The following GAPVD1 variants were observed in gnomAD, a reference collection of about 807,000 sequenced individuals.
GAPVD1 encodes the protein GTPase activating protein and VPS9 domains 1, also known as GTPase-activating protein and VPS9 domain-containing protein 1.
In GAPVD1, 35 loss-of-function variants were observed where a neutral mutation model predicts 155.5. The ratio of observed to expected loss-of-function variants is 0.23; its 90% CI spans 0.17 to 0.30. The LOEUF is 0.30. Ranked by LOEUF, GAPVD1 falls within the 10% of genes least tolerant of loss-of-function variation. The pLI, the probability that GAPVD1 is intolerant of heterozygous loss-of-function variation, is 1.00. For missense variants in GAPVD1, 1,429 were observed against 1,775.7 expected (o/e 0.80, Z 3.51); for synonymous variants, 636 against 619.7 (o/e 1.03, Z -0.39).
At chr9:125,293,227 T>G (rs1403997380) in intron 2 of GAPVD1, among the ~76,000 whole-genome samples, 1 of 152,036 alleles carries the variant, frequency 6.6e-6, no homozygotes, top group Non-Finnish European at 1.5e-5. Context: ...AGTTGCTGGT[T>G]TTAGAAGGGA....
intron 2 of GAPVD1, among the ~76,000 whole-genome samples, chr9:125,280,119 G>A (rs923221445): frequency 2.7e-5 from 4 of 150,750 alleles, no homozygotes; most frequent in African/African-American, 7.3e-5. Flanking sequence ...GAGAAGAGCC[G>A]GGCACAGTGG....
Position 125,337,490 on chromosome 9 carries a change from G to A in GAPVD1, c.2776G>A (p.Glu926Lys), listed in dbSNP as rs758006475. 1 of 1,614,220 alleles carries A rather than the reference G, an allele frequency of 6.2e-7. No homozygotes were observed. The highest frequency in any genetic ancestry group is 8.5e-7 in the Non-Finnish European group (1 of 1,180,034). The change falls in exon 17 of 28, where the codon GAG (glutamate) becomes AAG (lysine). Residue 926 changes from glutamate to lysine, a missense_variant. By Grantham distance (56) the Glu-to-Lys change is moderately conservative (BLOSUM62 1). Transcript: ENST00000297933. ...PSWNRRPGNE[E>K]RELPPAAAIG... ...CTGGAACCGGCGTCCAGGAAATGAA[G>A]AGCGAGAACTCCCTCCAGCTGCAGC...
intron 3 of GAPVD1, among the ~76,000 whole-genome samples, chr9:125,297,537 A>G (rs548370380): frequency 2.1e-3 from 319 of 152,336 alleles, no homozygotes; most frequent in Middle Eastern, 3.4e-3. Context: ...AAATGTGGAC[A>G]CTTTGAGAGA....
Position 125,337,495 on chromosome 9 carries a change from A to G in GAPVD1, c.2781A>G (p.Arg927=). ...ACCGGCGTCCAGGAAATGAAGAGCGAGAACTCCCTCCAGCTGCAGCCATTG... is the reference window on the plus strand; with the variant it reads ...ACCGGCGTCCAGGAAATGAAGAGCGGGAACTCCCTCCAGCTGCAGCCATTG... ...SWNRRPGNEE[R]ELPPAAAIGA... is the part of the protein sequence containing the mutation. Residue 927 remains arginine, a synonymous_variant, in exon 17 of 28, where the codon CGA becomes CGG. Transcript: ENST00000297933. 1 of 1,614,226 alleles carries G rather than the reference A, an allele frequency of 6.2e-7. No homozygotes were observed. Among genetic ancestry groups the G allele is most frequent in the Non-Finnish European group, 8.5e-7 (1 of 1,180,030 alleles).
At chr9:125,295,796 G>A (rs755956989) in intron 3 of GAPVD1, among the ~76,000 whole-genome samples, 10 of 151,940 alleles carry the variant, frequency 6.6e-5, no homozygotes, top group Non-Finnish European at 1.3e-4. Flanking sequence ...TGCATGAATT[G>A]GCTCATATTT....
chr9:125,328,447 C>A (rs1011026693), intron 12 of GAPVD1, among the ~76,000 whole-genome samples: 8 of 136,556 alleles, frequency 5.9e-5, no homozygotes, highest in Non-Finnish European at 1.1e-4. Flanking sequence ...CAAAGCACAT[C>A]TTGCACTGCC....
chr9:125,265,943 A>G, intron 1 of GAPVD1, among the ~76,000 whole-genome samples: 1 of 149,238 alleles, frequency 6.7e-6, no homozygotes, highest in East Asian at 2.0e-4. Context: ...AAAAAAAAAG[A>G]AACTGCTACC....
chr9:125,289,795 A>C lies in GAPVD1; in HGVS notation c.-149-5663A>C, dbSNP rs74894789. ...CTGTTATCACTTTGATGGTACTTAA[A>C]AATGATTGAGACTGAATGAGATTGC... On this transcript the variant is annotated intron_variant, in intron 2 of 27. Coordinates refer to ENST00000297933, the MANE Select transcript of GAPVD1 (RefSeq NM_001282680.3). Among the ~76,000 whole-genome samples, 424 of 152,298 alleles carry C rather than the reference A, an allele frequency of 2.8e-3. 2 individuals are homozygous for C. Among genetic ancestry groups the C allele is most frequent in the African/African-American group, 9.4e-3 (390 of 41,564 alleles).
chr9:125,354,880 T>C, intron 24 of GAPVD1, 39 bp downstream of exon 24: 2 of 1,370,048 alleles, frequency 1.5e-6, no homozygotes, highest in East Asian at 2.3e-5. Context: ...TCTTCACCTG[T>C]AATACTGTTG....
intron 2 of GAPVD1, among the ~76,000 whole-genome samples, chr9:125,286,754 A>G (rs576625974): frequency 6.6e-6 from 1 of 152,224 alleles, no homozygotes; most frequent in African/African-American, 2.4e-5. Flanking sequence ...ATAGACATTA[A>G]AGATGAAAGT....
intron 1 of GAPVD1, chr9:125,263,803 G>T: frequency 9.5e-7 from 1 of 1,048,670 alleles, no homozygotes; most frequent in Non-Finnish European, 1.5e-6. Context: ...AGGCCTGCCG[G>T]TCTCTGGACA....
At chr9:125,283,226 ATTTT>A (rs1837091531) in intron 2 of GAPVD1, among the ~76,000 whole-genome samples, 1 of 151,544 alleles carries the variant, frequency 6.6e-6, no homozygotes, top group South Asian at 2.1e-4. Flanking sequence ...CACCCAGCTA[ATTTT>A]GTATTTTTAG....
chr9:125,340,181 C>T (rs537956595), intron 17 of GAPVD1, among the ~76,000 whole-genome samples: 1 of 152,108 alleles, frequency 6.6e-6, no homozygotes, highest in Non-Finnish European at 1.5e-5. Flanking sequence ...CCACCACGCC[C>T]GGCCAATTTT....
chr9:125,294,451 ATTC>A (rs1165545893), intron 2 of GAPVD1, among the ~76,000 whole-genome samples: 1 of 151,070 alleles, frequency 6.6e-6, no homozygotes, highest in Non-Finnish European at 1.5e-5. Context: ...GGTTTGAGCA[ATTC>A]TTCTGCCTCA....
intron 8 of GAPVD1, among the ~76,000 whole-genome samples, chr9:125,311,391 G>T (rs1842667308): frequency 6.6e-6 from 1 of 152,148 alleles, no homozygotes; most frequent in Non-Finnish European, 1.5e-5. Context: ...GGAAGCCAAG[G>T]TGCGTGGATC....
At chr9:125,304,858 C>T (rs1841523163) in intron 5 of GAPVD1, among the ~76,000 whole-genome samples, 1 of 152,152 alleles carries the variant, frequency 6.6e-6, no homozygotes, top group African/African-American at 2.4e-5. Context: ...TTTATACTTT[C>T]TCTAACTCTT....
At chr9:125,292,949 A>G (rs1329090476) in intron 2 of GAPVD1, among the ~76,000 whole-genome samples, 1 of 152,182 alleles carries the variant, frequency 6.6e-6, no homozygotes, top group African/African-American at 2.4e-5. Flanking sequence ...GGGAAGGATT[A>G]TATTAACTGT....
intron 11 of GAPVD1, among the ~76,000 whole-genome samples, chr9:125,325,139 C>T (rs1049020484): frequency 7.3e-4 from 110 of 151,700 alleles, no homozygotes; most frequent in Non-Finnish European, 1.4e-3. Flanking sequence ...GCACGAGAAT[C>T]GCTTGAACCT....
chr9:125,273,047 G>C (rs990311379), intron 2 of GAPVD1, among the ~76,000 whole-genome samples: 8 of 152,168 alleles, frequency 5.3e-5, no homozygotes, highest in African/African-American at 1.9e-4. Flanking sequence ...TAAGTTTACA[G>C]TGTTCTAAGG....
Sources: allele counts gnomAD v4.1 joint callset (sites outside exome capture counted in the v4.1 genomes callset), GRCh38; gene constraint gnomAD v4.1.1; transcripts MANE v1.5; gene names NCBI Gene and HGNC (gene_info 2026-07-23, HGNC 2026-07-21).